ITSN1: variants seen among roughly 807,000 people sequenced by gnomAD.
ITSN1 encodes the protein intersectin 1, also known as intersectin-1.
Under a neutral mutation model 239.8 loss-of-function variants are expected in ITSN1, and 58 were observed. The observed-to-expected ratio is 0.24, with a 90% CI of 0.20 to 0.30. ITSN1 has a LOEUF of 0.30. ITSN1 is among the 10% of genes least tolerant of loss of function. The probability of loss-of-function intolerance (pLI) is 1.00; values close to 1 mark genes in which losing one functional copy is unlikely to be tolerated. For synonymous variants in ITSN1, 780 were observed against 770.8 expected, an observed-to-expected ratio of 1.01 and a Z score of -0.20; for missense variants, 1,558 against 2,103.3, an observed-to-expected ratio of 0.74 and a Z score of 5.07.
At chr21:33,801,675 G>A (rs1302275294) in intron 19 of ITSN1, among the ~76,000 whole-genome samples, 1 of 152,042 alleles carries the variant, frequency 6.6e-6, no homozygotes, top group Non-Finnish European at 1.5e-5. Context: ...TGTTGCCCAG[G>A]CTCCAGATCT....
At chr21:33,817,405 A>T in intron 22 of ITSN1, 2 of 1,304,392 alleles carry the variant, frequency 1.5e-6, no homozygotes, top group Non-Finnish European at 2.0e-6. Flanking sequence ...TCATCCTTCA[A>T]GGCCCATCTC....
intron 24 of ITSN1, among the ~76,000 whole-genome samples, chr21:33,822,614 T>A (rs1237199133): frequency 1.3e-5 from 2 of 152,150 alleles, no homozygotes. Flanking sequence ...CCAAGAGTGA[T>A]GCAAAGTTCT....
intron 1 of ITSN1, among the ~76,000 whole-genome samples, chr21:33,678,905 G>A (rs891556936): frequency 2.0e-5 from 3 of 152,108 alleles, no homozygotes; most frequent in Non-Finnish European, 2.9e-5. Flanking sequence ...GTAGAGACAG[G>A]GTTTCACGGA....
At chr21:33,822,282 A>C (rs983186970) in intron 24 of ITSN1, among the ~76,000 whole-genome samples, 2 of 152,252 alleles carry the variant, frequency 1.3e-5, no homozygotes, top group African/African-American at 4.8e-5. Flanking sequence ...AGGCTCTGAT[A>C]ATCAACCGAA....
chr21:33,719,065 A>G (rs1174071020), intron 2 of ITSN1, among the ~76,000 whole-genome samples: 2 of 152,214 alleles, frequency 1.3e-5, no homozygotes, highest in Non-Finnish European at 2.9e-5. Context: ...CATTTCATCT[A>G]TAAATATTTT....
At chr21:33,810,882 A>G in intron 20 of ITSN1, 93 bp from the exon 21 acceptor site, 1 of 1,398,912 alleles carries the variant, frequency 7.1e-7, no homozygotes, top group Non-Finnish European at 1.0e-6. Flanking sequence ...GTCAATCTAA[A>G]GAGGGCAGAG....
chr21:33,666,095 A>G (rs2089914404), intron 1 of ITSN1, among the ~76,000 whole-genome samples: 2 of 152,062 alleles, frequency 1.3e-5, no homozygotes, highest in Non-Finnish European at 2.9e-5. Context: ...TGCCCAGCTA[A>G]TTCTTTTGCA....
intron 9 of ITSN1, among the ~76,000 whole-genome samples, chr21:33,764,290 T>TA (rs2068568822): frequency 6.6e-6 from 1 of 152,242 alleles, no homozygotes; most frequent in African/African-American, 2.4e-5. Flanking sequence ...ATTAAATGCT[T>TA]ATAATCATAA....
intron 5 of ITSN1, among the ~76,000 whole-genome samples, chr21:33,738,857 C>T (rs1023977101): frequency 6.6e-6 from 1 of 152,090 alleles, no homozygotes; most frequent in African/African-American, 2.4e-5. Context: ...TGCAATGGCA[C>T]GATCATAGCT....
chr21:33,703,482 G>A (rs1481701645), intron 1 of ITSN1, among the ~76,000 whole-genome samples: 1 of 152,086 alleles, frequency 6.6e-6, no homozygotes, highest in Non-Finnish European at 1.5e-5. Flanking sequence ...TTAATACTTA[G>A]TCTCTATGTT....
rs1252917306 is a variant in ITSN1 at position 33,659,693 on chromosome 21, C to A, written c.-33+16980C>A. On this transcript the variant is annotated intron_variant, in intron 1 of 39. Coordinates refer to ENST00000381318, the MANE Select transcript of ITSN1 (RefSeq NM_003024.3). ...TTTGTAAGCTATTCATGGACTAAGT[C>A]AGCAGCCTGTACTTTTTTTTTTTTT... is the stretch of plus-strand genomic sequence containing the variant. Among the ~76,000 whole-genome samples the A allele has an allele frequency of 2.1e-5, 3 of 140,382 alleles. No homozygotes were observed. The Admixed American group carries it at 2.2e-4, about 11-fold the overall frequency. 92.1% of individuals were successfully genotyped at this position (140,382 alleles called of 152,430 possible).
Position 33,835,846 on chromosome 21 carries a change from G to A in ITSN1, c.3470-595G>A, listed in dbSNP as rs576729714. 2.8e-4 allele frequency among the ~76,000 whole-genome samples: 43 copies of A among 152,296 alleles called. No homozygotes were observed. In the South Asian group the frequency reaches 7.7e-3, roughly 27 times the overall value. On this transcript the variant is annotated intron_variant, in intron 28 of 39. Coordinates refer to ENST00000381318, the MANE Select transcript of ITSN1 (RefSeq NM_003024.3). ...CTCAAGAGGCTGAGGTAGGAGAATC[G>A]GTTGAACCCTGGAGGTGGAGGTTGC...
chr21:33,711,301 T>G lies in ITSN1; in HGVS notation c.-32-7496T>G, dbSNP rs1460678325. On this transcript the variant is annotated intron_variant, in intron 1 of 39. Coordinates refer to ENST00000381318, the MANE Select transcript of ITSN1 (RefSeq NM_003024.3). ...ATTTTTTTTTCTCTCTGTATCTAGC[T>G]CGAGGTTTGTAAATTTTTTTTTTCA... 2.6e-5 allele frequency among the ~76,000 whole-genome samples: 4 copies of G among 152,052 alleles called. No homozygotes were observed. In the South Asian group the frequency reaches 8.3e-4, roughly 32 times the overall value.
At chr21:33,873,204 G>A (rs1395403524) in intron 33 of ITSN1, among the ~76,000 whole-genome samples, 1 of 152,238 alleles carries the variant, frequency 6.6e-6, no homozygotes, top group East Asian at 1.9e-4. Flanking sequence ...AAAACAGTGT[G>A]TGTTTTTCTC....
At chr21:33,693,352 G>T (rs530541716) in intron 1 of ITSN1, among the ~76,000 whole-genome samples, 4 of 149,234 alleles carry the variant, frequency 2.7e-5, no homozygotes, top group Admixed American at 6.7e-5. Context: ...GTTTTGTTTT[G>T]TTTTTTTTGG....
At chr21:33,726,352 C>T (rs909558467) in intron 4 of ITSN1, among the ~76,000 whole-genome samples, 1 of 135,000 alleles carries the variant, frequency 7.4e-6, no homozygotes, top group Non-Finnish European at 1.7e-5. Context: ...CAGCTCCCTC[C>T]AACCCCCATA....
At position 33,739,275 on chromosome 21, in the gene ITSN1, G is replaced by C. The variant is rs151252615; in HGVS notation, c.346+4071G>C. ...TCTATTGTAGGAAATTCTATGGGTA[G>C]ACTTGGTACCTTCTTTCACCAGTGT... On this transcript the variant is annotated intron_variant, in intron 5 of 39. Transcript: ENST00000381318. Among the ~76,000 whole-genome samples, 54 of 152,312 alleles carry C rather than the reference G, an allele frequency of 3.5e-4. 1 individual carries two copies. In the East Asian group the frequency reaches 0.01, roughly 29 times the overall value.
intron 1 of ITSN1, among the ~76,000 whole-genome samples, chr21:33,658,382 G>T (rs968628828): frequency 6.6e-6 from 1 of 152,152 alleles, no homozygotes; most frequent in East Asian, 1.9e-4. Flanking sequence ...AAACCGAGGT[G>T]GTATAGCCTA....
chr21:33,679,218 TTG>T (rs371963563), intron 1 of ITSN1, among the ~76,000 whole-genome samples: 14 of 151,960 alleles, frequency 9.2e-5, no homozygotes, highest in African/African-American at 3.4e-4. Flanking sequence ...GTTATTCCCT[TTG>T]TGTGTGTGTG....
Sources: gnomAD v4.1 joint callset for allele counts (sites outside exome capture counted in the v4.1 genomes callset) on GRCh38, gnomAD v4.1.1 for gene constraint, MANE v1.5 for transcripts, NCBI Gene and HGNC (gene_info 2026-07-23, HGNC 2026-07-21) for gene names.